Variants in GTF3C1 observed in about 807,000 individuals in gnomAD.
GTF3C1 encodes general transcription factor IIIC subunit 1.
Under a neutral mutation model 226.7 loss-of-function variants are expected in GTF3C1, and 57 were observed. The observed-to-expected ratio is 0.25, with a 90% CI of 0.20 to 0.31. The LOEUF (loss-of-function observed/expected upper bound fraction) is 0.31, where lower values mean the gene tolerates loss of function less well. Ranked by LOEUF, GTF3C1 falls within the 10% of genes least tolerant of loss-of-function variation. GTF3C1 has a pLI of 1.00. For synonymous variants in GTF3C1, 1,090 were observed against 1,084.8 expected, an observed-to-expected ratio of 1.00 and a Z score of -0.09; for missense variants, 2,217 against 2,776.1, an observed-to-expected ratio of 0.80 and a Z score of 4.53.
intron 7 of GTF3C1, among the ~76,000 whole-genome samples, chr16:27,509,571 C>T (rs1161476605): frequency 6.6e-6 from 1 of 151,694 alleles, no homozygotes; most frequent in Non-Finnish European, 1.5e-5. Flanking sequence ...TCCTGGCTAA[C>T]ACAGTGAAAC....
At position 27,495,289 on chromosome 16, in the gene GTF3C1, C is replaced by T. The variant is rs757658288; in HGVS notation, c.2554G>A (p.Ala852Thr). 5 of 1,613,450 alleles carry T rather than the reference C, an allele frequency of 3.1e-6. No homozygotes were observed. The highest frequency in any genetic ancestry group is 2.2e-5 in the South Asian group (2 of 91,064). Residue 852 changes from alanine to threonine, a missense_variant, in exon 15 of 37, where the codon GCC (alanine) becomes ACC (threonine). Ala to Thr is a moderately conservative substitution (Grantham distance 58). Coordinates refer to ENST00000356183, the MANE Select transcript of GTF3C1 (RefSeq NM_001520.4). Reference protein sequence around the residue: ...RPSSSGSAWEACSEAPSKGSQ... With the variant: ...RPSSSGSAWETCSEAPSKGSQ... ...CCTTTAGATGGGGCTTCAGAGCAGG[C>T]CTCCCAGGCACTTCCAGAGGAGGAC... is the stretch of plus-strand genomic sequence containing the variant.
chr16:27,521,657 T>A (rs1459470188), intron 6 of GTF3C1, among the ~76,000 whole-genome samples: 1 of 152,264 alleles, frequency 6.6e-6, no homozygotes, highest in South Asian at 2.1e-4. Context: ...CTCTTACCCC[T>A]GTTTTAAGTT....
In GTF3C1 at chr16:27,507,123, T is replaced by A; in HGVS notation, c.1276A>T (p.Thr426Ser). The A allele has an allele frequency of 6.2e-7, 1 of 1,611,048 alleles. No individual in the cohort carries two copies. Among genetic ancestry groups the A allele is most frequent in the Non-Finnish European group, 8.5e-7 (1 of 1,178,110 alleles). Reference protein sequence around the residue: ...FMEDEGRQRTTKYISCVFAEE... With the variant: ...FMEDEGRQRTSKYISCVFAEE... ...GCAAACACGCAGGAAATGTACTTGG[T>A]GGTTCGCTGCCGACCTTCGTCTTCC... The change falls in exon 9 of 37, where the codon ACC becomes TCC. Residue 426 changes from threonine (T) to serine (S), a missense_variant. Thr to Ser is a moderately conservative substitution (Grantham distance 58). Coordinates refer to ENST00000356183, the MANE Select transcript of GTF3C1 (RefSeq NM_001520.4). The surrounding 1 kb of genome is among the most constrained non-coding windows in gnomAD (Gnocchi z 4.9).
At chr16:27,537,697 T>C (rs1489008008) in intron 4 of GTF3C1, 87 bp downstream of exon 4, 2 of 922,296 alleles carry the variant, frequency 2.2e-6, no homozygotes, top group African/African-American at 3.3e-5. Context: ...TATGAGCCAC[T>C]GTACCCAGCT....
rs770358820 is a variant in GTF3C1, at chr16:27,506,077, T to C, written c.1592A>G (p.Gln531Arg). ...KVVNLHPLKKQPPSFPGAAEE... is the reference protein window; with the variant it reads ...KVVNLHPLKKRPPSFPGAAEE... ...AGCAGCTCCTGGGAAGGAGGGCGGC[T>C]GCTTTTTCAATGGGTGTAGGTTTAC... The change falls in exon 10 of 37, where the codon CAG becomes CGG. Residue 531 changes from glutamine to arginine, a missense_variant. Gln to Arg is a conservative substitution (Grantham distance 43). This residue lies in a region of GTF3C1 where 173 missense variants were observed against 207.2 expected (regional missense o/e 0.83). Transcript: ENST00000356183. The C allele has an allele frequency of 6.2e-7, 1 of 1,613,780 alleles. No homozygotes were observed. The highest frequency in any genetic ancestry group is 1.1e-5 in the South Asian group (1 of 91,070).
At chr16:27,530,834 T>C (rs968795523) in intron 5 of GTF3C1, among the ~76,000 whole-genome samples, 5 of 152,206 alleles carry the variant, frequency 3.3e-5, no homozygotes, top group African/African-American at 9.6e-5. Context: ...GTCAGAAGCC[T>C]GCCTTTGCGC....
In GTF3C1 at chr16:27,489,170, C is replaced by T. The variant is rs199791720; in HGVS notation, c.3302G>A (p.Arg1101His). 18 of 1,613,998 alleles carry T rather than the reference C, an allele frequency of 1.1e-5. No homozygotes were observed. The highest frequency in any genetic ancestry group is 3.3e-5 in the South Asian group (3 of 91,094). Reference sequence around the variant, plus strand: ...GATCAAGCCTTCATCCACCACCTCACGGCTTCCACTAAAAGACAGGAAATC... The same window carrying T: ...GATCAAGCCTTCATCCACCACCTCATGGCTTCCACTAAAAGACAGGAAATC... ...CAMLEYTTGS[R>H]EVVDEGLIPG... The change falls in exon 21 of 37, where the codon CGT becomes CAT. Residue 1101 changes from arginine to histidine, a missense_variant. Arg to His is a conservative substitution (Grantham distance 29). Coordinates refer to ENST00000356183, the MANE Select transcript of GTF3C1 (RefSeq NM_001520.4).
rs1442226574 is a variant in GTF3C1 at position 27,462,699 on chromosome 16, G to A, written c.5925-213C>T. On this transcript the variant is annotated intron_variant, in intron 35 of 36. Coordinates refer to ENST00000356183, the MANE Select transcript of GTF3C1 (RefSeq NM_001520.4). This position sits in a 1 kb window ranked among gnomAD's most constrained non-coding sequence, Gnocchi z 4.5. Reference sequence around the variant, plus strand: ...CAGCTGGGTGGAACCAGGACGTGGTGTCCGCTCTGATGTAGCTGTAACTGA... The same window carrying A: ...CAGCTGGGTGGAACCAGGACGTGGTATCCGCTCTGATGTAGCTGTAACTGA... 1 of 561,500 alleles carries A rather than the reference G, an allele frequency of 1.8e-6. No homozygotes were observed. The highest frequency in any genetic ancestry group is 3.2e-6 in the Non-Finnish European group (1 of 312,586). The allele number at this position is 561,500 out of a possible 1,614,324, so 34.8% of individuals were successfully genotyped here.
chr16:27,523,517 A>G (rs911966644), intron 6 of GTF3C1, among the ~76,000 whole-genome samples: 3 of 152,142 alleles, frequency 2.0e-5, no homozygotes, highest in Non-Finnish European at 4.4e-5. Context: ...AACTGGAAAG[A>G]CAAAGCTCAA....
At chr16:27,483,356 G>A (rs746026226) in intron 25 of GTF3C1, 227 of 641,726 alleles carry the variant, frequency 3.5e-4, no homozygotes, top group Middle Eastern at 1.5e-3. Flanking sequence ...CTGAACTTCC[G>A]TCCTTCATAG....
intron 22 of GTF3C1, 48 bp from the exon 23 acceptor site, chr16:27,488,463 G>A: frequency 1.3e-6 from 2 of 1,562,760 alleles, no homozygotes; most frequent in Non-Finnish European, 1.8e-6. Context: ...GTGCTGCAAA[G>A]GCCAGGAAGA....
chr16:27,509,201 T>C (rs2088534214), intron 7 of GTF3C1, among the ~76,000 whole-genome samples: 1 of 152,230 alleles, frequency 6.6e-6, no homozygotes, highest in Non-Finnish European at 1.5e-5. Context: ...TCCTCAGCCC[T>C]GGAGTAAATG....
Position 27,488,643 on chromosome 16 carries a change from A to G in GTF3C1, c.3430-8T>C. ...CTCTGCGGCAGTGTTCTCCTGTGAG[A>G]CAAGCACAGCACTGGGATGAAGCAT... is the stretch of plus-strand genomic sequence containing the variant. On this transcript the variant is annotated splice_polypyrimidine_tract_variant and splice_region_variant and intron_variant, in intron 21 of 36. Coordinates refer to ENST00000356183, the MANE Select transcript of GTF3C1 (RefSeq NM_001520.4). The G allele has an allele frequency of 6.2e-7, 1 of 1,606,818 alleles. No individual in the cohort carries two copies. Among genetic ancestry groups the G allele is most frequent in the Non-Finnish European group, 8.5e-7 (1 of 1,175,136 alleles).
intron 2 of GTF3C1, among the ~76,000 whole-genome samples, chr16:27,544,429 G>A (rs2089134255): frequency 6.6e-6 from 1 of 151,658 alleles, no homozygotes. Context: ...AGCTAACTGA[G>A]AGGTGGAAAA....
intron 19 of GTF3C1, among the ~76,000 whole-genome samples, chr16:27,491,756 A>G (rs2088236206): frequency 6.6e-6 from 1 of 152,066 alleles, no homozygotes; most frequent in Non-Finnish European, 1.5e-5. Flanking sequence ...TCCTACCCAC[A>G]TGGCCTCCTC....
At chr16:27,503,048 G>A in intron 10 of GTF3C1, 53 bp from the exon 11 acceptor site, 3 of 1,447,316 alleles carry the variant, frequency 2.1e-6, no homozygotes, top group Non-Finnish European at 2.9e-6. Context: ...AGGCTTGGGG[G>A]CCACGCACCA....
intron 24 of GTF3C1, among the ~76,000 whole-genome samples, chr16:27,485,264 G>A (rs180932136): frequency 1.3e-5 from 2 of 152,328 alleles, no homozygotes; most frequent in Non-Finnish European, 2.9e-5. Flanking sequence ...AGGCACACCC[G>A]GGCTCCTCCA....
Position 27,489,222 on chromosome 16 carries a change from C to T in GTF3C1, c.3294-44G>A, listed in dbSNP as rs924059190. On this transcript the variant is annotated intron_variant, in intron 20 of 36. Coordinates refer to ENST00000356183, the MANE Select transcript of GTF3C1 (RefSeq NM_001520.4). The stretch of plus-strand genomic sequence containing the variant: ...ACAGAAAAGAGCCCTTCTTGGTCAT[C>T]ACCGAAAAAGAGAGCCCATGGCATG... 4 of 1,605,050 alleles carry T rather than the reference C, an allele frequency of 2.5e-6. No individual in the cohort carries two copies. The African/African-American group carries it at 5.4e-5, about 22-fold the overall frequency.
intron 29 of GTF3C1, among the ~76,000 whole-genome samples, chr16:27,474,558 A>G (rs1173394237): frequency 7.9e-5 from 12 of 152,162 alleles, no homozygotes; most frequent in East Asian, 1.9e-4. Context: ...TCCTGTGTGC[A>G]ATGTTGGAAA....
Sources: gnomAD v4.1 joint callset for allele counts (sites outside exome capture counted in the v4.1 genomes callset) on GRCh38, gnomAD v4.1.1 for gene constraint, gnomAD v4.1.1 regional missense constraint, Gnocchi (gnomAD v3.1) non-coding constraint, MANE v1.5 for transcripts, NCBI Gene and HGNC (gene_info 2026-07-23, HGNC 2026-07-21) for gene names.